LRRC53: variants seen among roughly 807,000 people sequenced by gnomAD.
LRRC53 encodes leucine rich repeat containing 53.
LRRC53 carries 25 observed loss-of-function variants against 13.6 expected under a neutral mutation model. The ratio of observed to expected loss-of-function variants is 1.83; its 90% confidence interval spans 1.34 to 2.56. The LOEUF is 2.56. LRRC53 is among the 30% of genes most tolerant of loss of function. LRRC53 has a pLI of 0.00. For missense variants in LRRC53, 527 were observed against 275.8 expected (o/e 1.91, Z -6.45); for synonymous variants, 204 against 109.8 (o/e 1.86, Z -5.37).
intron 1 of LRRC53, among the ~76,000 whole-genome samples, chr1:74,506,107 A>C (rs1028752108): frequency 6.6e-6 from 1 of 152,226 alleles, no homozygotes; most frequent in East Asian, 1.9e-4. Flanking sequence ...TATGATGTAG[A>C]TAATATTGCC....
chr1:74,471,837 T>C lies in LRRC53; in HGVS notation c.1785A>G (p.Gln595=). Residue 595 remains glutamine, a synonymous_variant, in exon 5 of 5, where the codon CAA becomes CAG. Transcript: ENST00000294635. The part of the protein sequence containing the change: ...YMKEKKPNRR[Q]HSKPEKEQIQ... ...TTTGCTCTTTCTCAGGCTTTGAGTGTTGTCTACGATTTGGCTTCTTTTCTT... is the reference window on the plus strand; with the variant it reads ...TTTGCTCTTTCTCAGGCTTTGAGTGCTGTCTACGATTTGGCTTCTTTTCTT... The C allele has an allele frequency of 2.2e-6, 1 of 449,060 alleles. No individual in the cohort carries two copies. The highest frequency in any genetic ancestry group is 3.9e-6 in the Non-Finnish European group (1 of 254,758). The allele number at this position is 449,060 out of a possible 1,614,324, so 27.8% of individuals were successfully genotyped here. A position where few individuals can be genotyped will look rare whatever the true frequency, so the allele number is the denominator to read the frequency against.
chr1:74,495,668 T>G (rs1669292555), intron 1 of LRRC53, among the ~76,000 whole-genome samples: 1 of 152,162 alleles, frequency 6.6e-6, no homozygotes, highest in Non-Finnish European at 1.5e-5. Context: ...ATAGAAAAGG[T>G]AAGCAACTTT....
intron 3 of LRRC53, 23 bp downstream of exon 3, chr1:74,480,129 AG>A (rs1352318144): frequency 4.3e-6 from 3 of 699,274 alleles, no homozygotes; most frequent in Non-Finnish European, 8.0e-6. Context: ...AGAAAAGAGG[AG>A]GGCACACTTC....
At position 74,473,897 on chromosome 1, in the gene LRRC53, T is replaced by A. The variant is rs75732136; in HGVS notation, c.1420+1398A>T. On this transcript the variant is annotated intron_variant, in intron 4 of 4. Transcript: ENST00000294635. ...TCTAGATCTAAAGTCCTCTCTACAC[T>A]GGAAAGTCTATAATTCTTTTTCCAA... Among the ~76,000 whole-genome samples, 8 of 152,226 alleles carry A rather than the reference T, an allele frequency of 5.3e-5. No homozygotes were observed. The East Asian group carries it at 1.4e-3, about 26-fold the overall frequency.
the LRRC53 span, among the ~76,000 whole-genome samples, chr1:74,531,578 G>C: frequency 3.9e-3 from 599 of 152,248 alleles, 2 homozygotes; most frequent in African/African-American, 0.014. Context: ...ATGCCAAAAG[G>C]ATGAGCCAGA....
intron 1 of LRRC53, among the ~76,000 whole-genome samples, chr1:74,496,241 A>G (rs992992077): frequency 6.6e-6 from 1 of 152,158 alleles, no homozygotes; most frequent in Non-Finnish European, 1.5e-5. Flanking sequence ...CTAATGAGAG[A>G]GGAAAGAGAA....
the LRRC53 span, among the ~76,000 whole-genome samples, chr1:74,518,873 C>CTTTTTTTTTTTTTTTTTTTTTTT: frequency 4.0e-5 from 4 of 100,356 alleles, 1 homozygote; most frequent in Non-Finnish European, 3.5e-5. Flanking sequence ...TTTTTTTTCC[C>CTTTTTTTTTTTTTTTTTTTTTTT]CTTTTTTTTT....
intron 1 of LRRC53, among the ~76,000 whole-genome samples, chr1:74,487,444 T>C (rs1321867485): frequency 2.0e-5 from 3 of 152,180 alleles, no homozygotes; most frequent in African/African-American, 7.2e-5. Flanking sequence ...GCTCTCTGAA[T>C]AGTACTGACG....
chr1:74,492,111 A>G lies in LRRC53; in HGVS notation c.-26-8736T>C, dbSNP rs2100304469. 1 of 1,607,120 alleles carries G rather than the reference A, an allele frequency of 6.2e-7. No homozygotes were observed. Among genetic ancestry groups the G allele is most frequent in the South Asian group, 1.1e-5 (1 of 90,190 alleles). On this transcript the variant is annotated intron_variant, in intron 1 of 4. Coordinates refer to ENST00000294635, the MANE Select transcript of LRRC53 (RefSeq NM_001382280.1). The stretch of plus-strand genomic sequence containing the variant: ...CCTCCACTCAGCTGATGTCTCCTGC[A>G]TCAAGTAACAGCAGTGGGTCTCTCT...
At position 74,470,101 on chromosome 1, in the gene LRRC53, T is replaced by C; in HGVS notation, c.3521A>G (p.Asn1174Ser). 1 of 400,740 alleles carries C rather than the reference T, an allele frequency of 2.5e-6. No individual in the cohort carries two copies. The highest frequency in any genetic ancestry group is 4.4e-6 in the Non-Finnish European group (1 of 226,176). 24.8% of individuals were successfully genotyped at this position (400,740 alleles called of 1,614,324 possible). A position where few individuals can be genotyped will look rare whatever the true frequency, so the allele number is the denominator to read the frequency against. The part of the protein sequence containing the change: ...SNVHNFREVQ[N>S]IQPDKDSAHK... ...TGCACTATCTTTATCTGGTTGAATA[T>C]TTTGAACTTCTCTAAAATTATGTAC... The change falls in exon 5 of 5, where the codon AAT becomes AGT. Residue 1174 changes from asparagine (N) to serine (S), a missense_variant. By Grantham distance (46) the Asn-to-Ser change is conservative. Transcript: ENST00000294635.
At chr1:74,491,529 C>T (rs1669075697) in intron 1 of LRRC53, among the ~76,000 whole-genome samples, 1 of 152,138 alleles carries the variant, frequency 6.6e-6, no homozygotes, top group South Asian at 2.1e-4. Flanking sequence ...TGTGAGCCAC[C>T]ACACCCAGCC....
chr1:74,472,319 T>G, intron 4 of LRRC53, 118 bp from the exon 5 acceptor site: 1 of 599,610 alleles, frequency 1.7e-6, no homozygotes, highest in Non-Finnish European at 3.0e-6. Context: ...ATTGCAGTTC[T>G]TCACTATTTC....
At chr1:74,514,271 G>A (rs563665670), upstream of LRRC53, among the ~76,000 whole-genome samples, 33 of 152,232 alleles carry the variant, frequency 2.2e-4, no homozygotes, top group Non-Finnish European at 2.8e-4. Flanking sequence ...GTTTTAAAGC[G>A]TTTTCACACA....
chr1:74,529,501 C>T, the LRRC53 span, among the ~76,000 whole-genome samples: 1 of 152,174 alleles, frequency 6.6e-6, no homozygotes, highest in Non-Finnish European at 1.5e-5. Context: ...CAATTCAGTG[C>T]TGCATGTGAT....
intron 1 of LRRC53, among the ~76,000 whole-genome samples, chr1:74,510,156 C>G (rs1373561359): frequency 2.0e-5 from 3 of 149,368 alleles, no homozygotes; most frequent in Admixed American, 1.3e-4. Context: ...ATTTCTTACC[C>G]CCTGATTTTT....
At chr1:74,498,715 C>T (rs1669459244) in intron 1 of LRRC53, among the ~76,000 whole-genome samples, 1 of 152,086 alleles carries the variant, frequency 6.6e-6, no homozygotes, top group South Asian at 2.1e-4. Flanking sequence ...TATTCCACTA[C>T]TTTTCCAGTC....
intron 3 of LRRC53, among the ~76,000 whole-genome samples, chr1:74,479,786 C>T (rs1436002904): frequency 6.6e-6 from 1 of 152,192 alleles, no homozygotes; most frequent in Non-Finnish European, 1.5e-5. Flanking sequence ...AGTGTCATAA[C>T]AAATGCACTA....
Position 74,506,653 on chromosome 1 carries a change from G to A in LRRC53, c.-27+5873C>T, listed in dbSNP as rs563693364. Among the ~76,000 whole-genome samples the A allele has an allele frequency of 5.3e-5, 8 of 152,284 alleles. No individual in the cohort carries two copies. The South Asian group carries it at 1.5e-3, about 28-fold the overall frequency. On this transcript the variant is annotated intron_variant, in intron 1 of 4. Coordinates refer to ENST00000294635, the MANE Select transcript of LRRC53 (RefSeq NM_001382280.1). ...GCTTGTTAGAAATGTACAATCTCAG[G>A]CCCCACACCGGACCTGCCGAATCTG...
At position 74,475,446 on chromosome 1, in the gene LRRC53, C is replaced by T. The variant is rs766576125; in HGVS notation, c.1269G>A (p.Ser423=). 106 of 716,994 alleles carry T rather than the reference C, an allele frequency of 1.5e-4. No homozygotes were observed. Among genetic ancestry groups the T allele is most frequent in the African/African-American group, 1.4e-3 (79 of 57,220 alleles). The allele number at this position is 716,994 out of a possible 1,614,324, so 44.4% of individuals were successfully genotyped here. The change falls in exon 4 of 5, where the codon TCG becomes TCA. Residue 423 remains serine (S), a synonymous_variant. Coordinates refer to ENST00000294635, the MANE Select transcript of LRRC53 (RefSeq NM_001382280.1). ...TATTTCCAGGAGGCTCTGAACATTC[C>T]GAATGCAGCAATCTACCATCCTGGC... The part of the protein sequence containing the change: ...LFCQDGRLLH[S]ECSEPPGNMR...
Sources: allele counts gnomAD v4.1 joint callset (sites outside exome capture counted in the v4.1 genomes callset), GRCh38; gene constraint gnomAD v4.1.1; transcripts MANE v1.5; gene names NCBI Gene and HGNC (gene_info 2026-07-23, HGNC 2026-07-21).